The following ZNF385D variants were observed in gnomAD, a reference collection of about 807,000 sequenced individuals.
The protein encoded by ZNF385D is zinc finger protein 385D.
ZNF385D carries 15 observed loss-of-function variants against 35.8 expected under a neutral mutation model. The ratio of observed to expected loss-of-function variants is 0.42; its 90% CI spans 0.28 to 0.64. The LOEUF (loss-of-function observed/expected upper bound fraction) is 0.64, where lower values mean the gene tolerates loss of function less well. Ranked by LOEUF, ZNF385D falls within the 30% of genes least tolerant of loss-of-function variation. The pLI, the probability that ZNF385D is intolerant of heterozygous loss-of-function variation, is 0.23. For synonymous variants in ZNF385D, 212 were observed against 186.8 expected (o/e 1.13, Z -1.10); for missense variants, 474 against 494.6 (o/e 0.96, Z 0.39).
intron 3 of ZNF385D, among the ~76,000 whole-genome samples, chr3:21,768,241 G>C (rs189712092): frequency 1.1e-4 from 16 of 152,160 alleles, no homozygotes; most frequent in Non-Finnish European, 2.9e-5. Context: ...TTTATAATCA[G>C]AATAAAATGT....
intron 3 of ZNF385D, among the ~76,000 whole-genome samples, chr3:21,888,434 AAAGAG>A (rs978766254): frequency 1.1e-3 from 172 of 152,282 alleles, no homozygotes; most frequent in African/African-American, 3.1e-3. Flanking sequence ...TGGAAAAGAG[AAAGAG>A]AATAGTAAAA....
At chr3:22,182,952 T>C (rs573554753) in intron 2 of ZNF385D, among the ~76,000 whole-genome samples, 4 of 152,138 alleles carry the variant, frequency 2.6e-5, no homozygotes, top group African/African-American at 9.6e-5. Flanking sequence ...ATGATGGATA[T>C]GGATAGAAAT....
At chr3:21,527,185 A>G (rs1012596320) in intron 3 of ZNF385D, among the ~76,000 whole-genome samples, 3 of 152,176 alleles carry the variant, frequency 2.0e-5, no homozygotes, top group Non-Finnish European at 2.9e-5. Context: ...GGTGCTCAGT[A>G]TCTATTTGTT....
At position 21,606,297 on chromosome 3, in the gene ZNF385D, C is replaced by A. The variant is rs533727408; in HGVS notation, c.166-41613G>T. Among the ~76,000 whole-genome samples the A allele has an allele frequency of 4.6e-5, 7 of 152,268 alleles. No individual in the cohort carries two copies. The East Asian group carries it at 1.4e-3, about 29-fold the overall frequency. On this transcript the variant is annotated intron_variant, in intron 2 of 7. Transcript: ENST00000281523. ...GTGGTAATGATGCCACCTCTGGGTG[C>A]CTTGACATGACATATTCATTCCTGT...
At chr3:22,321,300 C>G (rs9814094) in intron 2 of ZNF385D, among the ~76,000 whole-genome samples, 33,576 of 150,364 alleles carry the variant, frequency 0.22, 4,286 homozygotes, top group Non-Finnish European at 0.3. Flanking sequence ...TTTTAAAACT[C>G]TTTCTACAAG....
At chr3:22,095,853 AACAT>A (rs1356281324) in intron 3 of ZNF385D, among the ~76,000 whole-genome samples, 1 of 147,480 alleles carries the variant, frequency 6.8e-6, no homozygotes, top group Non-Finnish European at 1.5e-5. Flanking sequence ...TTTTTAATTC[AACAT>A]ATATATATAT....
chr3:21,878,886 G>A (rs377262761), intron 3 of ZNF385D, among the ~76,000 whole-genome samples: 2 of 152,126 alleles, frequency 1.3e-5, no homozygotes, highest in African/African-American at 2.4e-5. Flanking sequence ...TTGCATTTAT[G>A]TGGGAAAGAC....
chr3:22,248,736 C>G (rs534295215), intron 2 of ZNF385D, among the ~76,000 whole-genome samples: 92 of 152,102 alleles, frequency 6.0e-4, no homozygotes, highest in Non-Finnish European at 1.1e-3. Flanking sequence ...CCAAACCTCC[C>G]ATGAATGGGA....
At chr3:22,315,272 G>C (rs1703822928) in intron 2 of ZNF385D, among the ~76,000 whole-genome samples, 1 of 152,150 alleles carries the variant, frequency 6.6e-6, no homozygotes, top group Admixed American at 6.5e-5. Flanking sequence ...ATGCAAGTTT[G>C]GGAAACAATG....
intron 1 of ZNF385D, among the ~76,000 whole-genome samples, chr3:21,704,205 G>A (rs2067811368): frequency 1.3e-5 from 2 of 152,282 alleles, no homozygotes; most frequent in East Asian, 1.9e-4. Context: ...CCTTGCTGCT[G>A]TAACTTAGCT....
chr3:21,987,546 T>G (rs2125386550), intron 3 of ZNF385D, among the ~76,000 whole-genome samples: 1 of 130,756 alleles, frequency 7.6e-6, no homozygotes, highest in South Asian at 2.7e-4. Context: ...CCACTGTTAG[T>G]CTGATGGGCT....
intron 2 of ZNF385D, among the ~76,000 whole-genome samples, chr3:22,209,548 T>C (rs1338094071): frequency 6.6e-6 from 1 of 151,922 alleles, no homozygotes; most frequent in Non-Finnish European, 1.5e-5. Flanking sequence ...ACATGAACTA[T>C]AAGCAAACCA....
chr3:21,684,400 CTCT>C (rs2067028694), intron 1 of ZNF385D, among the ~76,000 whole-genome samples: 1 of 81,736 alleles, frequency 1.2e-5, no homozygotes, highest in Non-Finnish European at 2.1e-5. Context: ...CTCTCTCTCT[CTCT>C]CCTCTCTCTC....
intron 3 of ZNF385D, among the ~76,000 whole-genome samples, chr3:21,798,815 T>C (rs2072270281): frequency 1.3e-5 from 2 of 152,128 alleles, no homozygotes; most frequent in South Asian, 4.1e-4. Context: ...TAAAGTAAAA[T>C]TTGCATAAGA....
intron 4 of ZNF385D, 43 bp downstream of exon 4, chr3:21,510,818 A>C: frequency 6.2e-7 from 1 of 1,604,352 alleles, no homozygotes; most frequent in African/African-American, 1.3e-5. Context: ...GGAATCCCCA[A>C]CGACGACGAC....
chr3:21,935,436 T>A (rs553374237), intron 3 of ZNF385D, among the ~76,000 whole-genome samples: 3 of 152,234 alleles, frequency 2.0e-5, no homozygotes, highest in Admixed American at 2.0e-4. Flanking sequence ...GGGACATAGA[T>A]ATAAAGTAAT....
chr3:21,866,707 A>G (rs189496703), intron 3 of ZNF385D, among the ~76,000 whole-genome samples: 239 of 152,286 alleles, frequency 1.6e-3, no homozygotes, highest in African/African-American at 5.6e-3. Context: ...TTGTTTTGGC[A>G]TAAATAGTAG....
intron 3 of ZNF385D, among the ~76,000 whole-genome samples, chr3:21,813,315 C>T (rs556208172): frequency 1.1e-4 from 16 of 152,268 alleles, no homozygotes; most frequent in African/African-American, 3.1e-4. Flanking sequence ...CACAGCTCCT[C>T]GCCAGCAATG....
chr3:21,696,010 C>CCCTGTTTTACAAATAAGAGAAGTGAGGT (rs2067458134), intron 1 of ZNF385D, among the ~76,000 whole-genome samples: 1 of 152,050 alleles, frequency 6.6e-6, no homozygotes, highest in Non-Finnish European at 1.5e-5. Context: ...GGTATTATAG[C>CCCTGTTTTACAAATAAGAGAAGTGAGGT]CCTGTTTTAC....
Sources: allele counts gnomAD v4.1 joint callset (sites outside exome capture counted in the v4.1 genomes callset), GRCh38; gene constraint gnomAD v4.1.1; transcripts MANE v1.5; gene names NCBI Gene and HGNC (gene_info 2026-07-23, HGNC 2026-07-21).